The following NLK variants were observed in gnomAD, a reference collection of about 807,000 sequenced individuals.
NLK encodes the protein nemo like kinase.
In NLK, 11 loss-of-function variants were observed where a neutral mutation model predicts 59.0. The observed-to-expected ratio is 0.19, with a 90% CI of 0.12 to 0.31. The LOEUF is 0.31. Among genes scored for constraint, NLK ranks in the 10% least tolerant of loss-of-function variants. The probability of loss-of-function intolerance (pLI) is 1.00; values close to 1 mark genes in which losing one functional copy is unlikely to be tolerated. For missense variants in NLK, 410 were observed against 661.1 expected, an observed-to-expected ratio of 0.62 and a Z score of 4.16; for synonymous variants, 235 against 235.9, an observed-to-expected ratio of 1.00 and a Z score of 0.03.
intron 1 of NLK, among the ~76,000 whole-genome samples, chr17:28,118,815 G>T (rs370999582): frequency 6.6e-6 from 1 of 152,146 alleles, no homozygotes; most frequent in South Asian, 2.1e-4. Context: ...TGTAAGTGAG[G>T]ATTCTTTCTC....
chr17:28,184,477 T>C lies in NLK; in HGVS notation c.1150-702T>C, dbSNP rs74966015. ...TATAAACTCAAGCTTCTGTACCTCATTGGGGGTTTGGGGCTTTATTTGGAA... is the reference window on the plus strand; with the variant it reads ...TATAAACTCAAGCTTCTGTACCTCACTGGGGGTTTGGGGCTTTATTTGGAA... On this transcript the variant is annotated intron_variant, in intron 7 of 10. Coordinates refer to ENST00000407008, the MANE Select transcript of NLK (RefSeq NM_016231.5). Among the ~76,000 whole-genome samples the C allele has an allele frequency of 4.5e-4, 68 of 152,312 alleles. 3 individuals are homozygous for C. The East Asian group carries it at 0.013, about 28-fold the overall frequency.
At chr17:28,185,474 G>A (rs1011711020) in intron 8 of NLK, among the ~76,000 whole-genome samples, 3 of 152,232 alleles carry the variant, frequency 2.0e-5, no homozygotes. Flanking sequence ...ATAAGGAGCT[G>A]GATCTTATTT....
In NLK at chr17:28,132,739, C is replaced by G. The variant is rs1906573156; in HGVS notation, c.644+64C>G. On this transcript the variant is annotated intron_variant, in intron 3 of 10. Coordinates refer to ENST00000407008, the MANE Select transcript of NLK (RefSeq NM_016231.5). ...TTAAAATTAATTTGTTCTTCTAGCACCTTTTGGGGTTCATGCCTTCAAGTA... is the reference window on the plus strand; with the variant it reads ...TTAAAATTAATTTGTTCTTCTAGCAGCTTTTGGGGTTCATGCCTTCAAGTA... 15 of 1,345,756 alleles carry G rather than the reference C, an allele frequency of 1.1e-5. 1 individual carries two copies. The South Asian group carries it at 1.6e-4, about 15-fold the overall frequency. 83.4% of individuals were successfully genotyped at this position (1,345,756 alleles called of 1,614,324 possible). A position where few individuals can be genotyped will look rare whatever the true frequency, so the allele number is the denominator to read the frequency against.
chr17:28,163,759 T>C (rs112342725), intron 5 of NLK, 131 bp downstream of exon 5: 13 of 605,990 alleles, frequency 2.1e-5, no homozygotes, highest in Admixed American at 3.0e-5. Context: ...GTTTTCTCCA[T>C]ATCACTACTC....
chr17:28,067,547 A>G (rs143086242), intron 1 of NLK, among the ~76,000 whole-genome samples: 1 of 151,736 alleles, frequency 6.6e-6, no homozygotes, highest in Non-Finnish European at 1.5e-5. Context: ...AAAAAAAAAA[A>G]GGCTGACAAT....
chr17:28,154,696 A>G (rs1907627599), intron 3 of NLK, among the ~76,000 whole-genome samples: 1 of 152,176 alleles, frequency 6.6e-6, no homozygotes, highest in Non-Finnish European at 1.5e-5. Flanking sequence ...TCACATACAC[A>G]TAAAATTCTA....
At chr17:28,155,998 A>C (rs1316708863) in intron 3 of NLK, among the ~76,000 whole-genome samples, 2 of 152,166 alleles carry the variant, frequency 1.3e-5, no homozygotes, top group Non-Finnish European at 2.9e-5. Context: ...GTTTCATCAA[A>C]ATGTTCTAAA....
At chr17:28,190,817 GATA>G (rs1909279300) in intron 8 of NLK, 1 of 465,864 alleles carries the variant, frequency 2.1e-6, no homozygotes, top group African/African-American at 2.0e-5. Context: ...TGTGATGGTA[GATA>G]ATAACAGTAG....
intron 6 of NLK, among the ~76,000 whole-genome samples, chr17:28,171,776 CAGAAG>C (rs1193154436): frequency 6.6e-6 from 1 of 152,148 alleles, no homozygotes; most frequent in Non-Finnish European, 1.5e-5. Context: ...TAGGCATCAA[CAGAAG>C]AGGAGTTCAA....
At chr17:28,068,734 C>T (rs1909915835) in intron 1 of NLK, among the ~76,000 whole-genome samples, 1 of 152,160 alleles carries the variant, frequency 6.6e-6, no homozygotes, top group Non-Finnish European at 1.5e-5. Flanking sequence ...AGCTAGAATG[C>T]AATGGCATGA....
chr17:28,085,478 G>A lies in NLK; in HGVS notation c.459-37125G>A, dbSNP rs565419915. On this transcript the variant is annotated intron_variant, in intron 1 of 10. Transcript: ENST00000407008. ...CTGAAGGCTGGGCATGGTGGCTCAC[G>A]CTTGTAATCCCAGCACTTTGGGAGG... Among the ~76,000 whole-genome samples the A allele has an allele frequency of 3.9e-5, 6 of 152,278 alleles. No individual in the cohort carries two copies. The South Asian group carries it at 1.0e-3, about 26-fold the overall frequency.
intron 1 of NLK, among the ~76,000 whole-genome samples, chr17:28,108,241 A>C (rs1178831163): frequency 1.3e-5 from 2 of 152,178 alleles, no homozygotes; most frequent in African/African-American, 4.8e-5. Context: ...AATAATTAAC[A>C]TACATTCCTG....
intron 1 of NLK, among the ~76,000 whole-genome samples, chr17:28,091,273 A>T (rs1336932492): frequency 1.3e-5 from 2 of 152,154 alleles, no homozygotes; most frequent in Non-Finnish European, 2.9e-5. Flanking sequence ...AAGTGTGAGT[A>T]TCAAGGATTC....
intron 1 of NLK, among the ~76,000 whole-genome samples, chr17:28,074,493 TTG>T (rs1204638240): frequency 2.6e-5 from 4 of 152,140 alleles, no homozygotes; most frequent in African/African-American, 7.2e-5. Context: ...CTTGATTACT[TTG>T]TGTGTGTTGG....
At chr17:28,186,786 A>G (rs1909135704) in intron 8 of NLK, among the ~76,000 whole-genome samples, 4 of 152,164 alleles carry the variant, frequency 2.6e-5, no homozygotes, top group Non-Finnish European at 5.9e-5. Flanking sequence ...GCATGTGGGA[A>G]TTCAAGATGA....
At chr17:28,124,724 C>T (rs1055937786) in intron 2 of NLK, among the ~76,000 whole-genome samples, 5 of 151,910 alleles carry the variant, frequency 3.3e-5, no homozygotes, top group Admixed American at 2.0e-4. Context: ...GTATCCATGA[C>T]GAAAAAATAT....
chr17:28,182,630 T>C (rs1300628415), intron 7 of NLK, among the ~76,000 whole-genome samples: 1 of 152,194 alleles, frequency 6.6e-6, no homozygotes, highest in Non-Finnish European at 1.5e-5. Flanking sequence ...CAGTTTGCCT[T>C]GAAAGTAATG....
Position 28,066,816 on chromosome 17 carries a change from T to G in NLK, c.458+23485T>G, listed in dbSNP as rs200425293. ...AGCCATTTTAATAGGTATGTAATAC[T>G]GTTTATAGTGGTTTTGCATTTCCCT... On this transcript the variant is annotated intron_variant, in intron 1 of 10. Transcript: ENST00000407008. Among the ~76,000 whole-genome samples, 3 of 152,346 alleles carry G rather than the reference T, an allele frequency of 2.0e-5. No individual in the cohort carries two copies. The East Asian group carries it at 5.8e-4, about 29-fold the overall frequency.
chr17:28,154,594 T>A (rs956376508), intron 3 of NLK, among the ~76,000 whole-genome samples: 3 of 152,166 alleles, frequency 2.0e-5, no homozygotes, highest in Non-Finnish European at 4.4e-5. Flanking sequence ...GGAGTACTAT[T>A]TAAGCATTTG....
Sources: allele counts gnomAD v4.1 joint callset (sites outside exome capture counted in the v4.1 genomes callset), GRCh38; gene constraint gnomAD v4.1.1; transcripts MANE v1.5; gene names NCBI Gene and HGNC (gene_info 2026-07-23, HGNC 2026-07-21).